Variants in KIR2DL1 observed in about 807,000 individuals in gnomAD.
KIR2DL1 encodes killer cell immunoglobulin like receptor, two Ig domains and long cytoplasmic tail 1, also known as killer cell immunoglobulin-like receptor 2DL1.
A neutral mutation model predicts 33.9 loss-of-function variants in KIR2DL1; 38 were observed. That is an observed-to-expected ratio of 1.12 (90% CI 0.86 to 1.47). The LOEUF (loss-of-function observed/expected upper bound fraction) is 1.47. Ranked by LOEUF, KIR2DL1 falls within the 40% of genes most tolerant of loss-of-function variation. The probability of loss-of-function intolerance (pLI) is 0.00; values close to 1 mark genes in which losing one functional copy is unlikely to be tolerated. For synonymous variants in KIR2DL1, 179 were observed against 165.9 expected (o/e 1.08, Z -0.61); for missense variants, 531 against 433.9 (o/e 1.22, Z -1.99).
Position 54,775,451 on chromosome 19 carries a change from T to C in KIR2DL1, c.657T>C (p.Ser219=), listed in dbSNP as rs748006166. 36 of 1,583,740 alleles carry C rather than the reference T, an allele frequency of 2.3e-5. 3 individuals carry two copies. Among genetic ancestry groups the C allele is most frequent in the Non-Finnish European group, 2.8e-5 (32 of 1,156,076 alleles). The part of the protein sequence containing the change: ...WSKSSDPLLV[S]VTGNPSNSWP... The stretch of plus-strand genomic sequence containing the variant: ...AGTCAAGTGACCCACTGCTTGTTTC[T>C]GTCACAGGTGAGGAAAGCCCATGGC... Residue 219 remains serine, a synonymous_variant, in exon 4 of 8, where the codon TCT becomes TCC. Coordinates refer to ENST00000336077, the MANE Select transcript of KIR2DL1 (RefSeq NM_014218.3).
At position 54,783,560 on chromosome 19, in the gene KIR2DL1, C is replaced by T. The variant is rs113555807; in HGVS notation, c.870+22C>T. 3,718 of 1,613,402 alleles carry T rather than the reference C, an allele frequency of 2.3e-3. 9 individuals carry two copies. In the African/African-American group the frequency reaches 0.043, roughly 19 times the overall value. On this transcript the variant is annotated intron_variant, in intron 7 of 7. Transcript: ENST00000336077. ...CGAGGTAGGTACTCCTCGGCCCGGGCTCGTGGCTACTGTTATTCCCAAAGA... is the reference window on the plus strand; with the variant it reads ...CGAGGTAGGTACTCCTCGGCCCGGGTTCGTGGCTACTGTTATTCCCAAAGA...
Position 54,783,553 on chromosome 19 carries a change from G to C in KIR2DL1, c.870+15G>C. ...CGAATAGCGAGGTAGGTACTCCTCG[G>C]CCCGGGCTCGTGGCTACTGTTATTC... On this transcript the variant is annotated intron_variant, in intron 7 of 7. Transcript: ENST00000336077. The C allele has an allele frequency of 6.2e-7, 1 of 1,613,874 alleles. No individual in the cohort carries two copies. The highest frequency in any genetic ancestry group is 2.2e-5 in the East Asian group (1 of 44,884).
intron 5 of KIR2DL1, among the ~76,000 whole-genome samples, chr19:54,781,371 A>T (rs2076916405): frequency 6.7e-6 from 1 of 150,288 alleles, no homozygotes. Flanking sequence ...AAAATGTGAA[A>T]GCCCGCTGAA....
intron 5 of KIR2DL1, among the ~76,000 whole-genome samples, chr19:54,780,679 T>C (rs1395454691): frequency 7.0e-6 from 1 of 142,776 alleles, no homozygotes; most frequent in Non-Finnish European, 1.6e-5. Flanking sequence ...AGACACTAAA[T>C]GAATGAAGTA....
chr19:54,781,646 G>T (rs1179812583), intron 5 of KIR2DL1, among the ~76,000 whole-genome samples: 6 of 151,788 alleles, frequency 4.0e-5, no homozygotes, highest in African/African-American at 1.5e-4. Context: ...CCGAGGGGGT[G>T]GTCCTTCCCC....
At chr19:54,781,989 A>C (rs1190698215) in intron 5 of KIR2DL1, among the ~76,000 whole-genome samples, 1 of 152,098 alleles carries the variant, frequency 6.6e-6, no homozygotes, top group Non-Finnish European at 1.5e-5. Context: ...GACAGAACAC[A>C]CAGAGAATAC....
rs111380462 is a variant in KIR2DL1 at position 54,771,171 on chromosome 19, C to T, written c.70+287C>T. On this transcript the variant is annotated intron_variant, in intron 2 of 7. Transcript: ENST00000336077. ...CAAAGGTGTTACTCACACACTTCAGCGTTTCCATGACGGTAGGGGCTGCAG... is the reference window on the plus strand; with the variant it reads ...CAAAGGTGTTACTCACACACTTCAGTGTTTCCATGACGGTAGGGGCTGCAG... Among the ~76,000 whole-genome samples, 1,388 of 148,458 alleles carry T rather than the reference C, an allele frequency of 9.3e-3. 2 individuals are homozygous for T. The highest frequency in any genetic ancestry group is 0.032 in the African/African-American group (1,306 of 40,708).
At chr19:54,776,448 G>A (rs1743313) in intron 4 of KIR2DL1, among the ~76,000 whole-genome samples, 13,089 of 105,666 alleles carry the variant, frequency 0.12, 41 homozygotes, top group South Asian at 0.22. Flanking sequence ...AGTCTCCACT[G>A]TGCGTATGTA....
At chr19:54,778,207 C>A (rs78941174) in intron 4 of KIR2DL1, among the ~76,000 whole-genome samples, 2 of 132,174 alleles carry the variant, frequency 1.5e-5, no homozygotes, top group African/African-American at 5.5e-5. Context: ...TGCAGTGAAC[C>A]GAGATTGCAC....
At chr19:54,775,115 G>A (rs1325772094) in intron 3 of KIR2DL1, 50 bp from the exon 4 acceptor site, 3 of 1,526,580 alleles carry the variant, frequency 2.0e-6, no homozygotes, top group East Asian at 2.2e-5. Context: ...GGTGAAGGGA[G>A]CTGTGACAAA....
At chr19:54,774,507 AG>A (rs1457037728) in intron 3 of KIR2DL1, among the ~76,000 whole-genome samples, 2 of 148,452 alleles carry the variant, frequency 1.3e-5, no homozygotes, top group Non-Finnish European at 3.0e-5. Flanking sequence ...GACAGATGAT[AG>A]ATGGATAGAT....
intron 3 of KIR2DL1, among the ~76,000 whole-genome samples, chr19:54,774,797 C>A (rs1189710901): frequency 6.8e-6 from 1 of 147,546 alleles, no homozygotes; most frequent in East Asian, 1.9e-4. Flanking sequence ...TAGATAGGCA[C>A]CGAATAGATA....
intron 1 of KIR2DL1, 21 bp from the exon 2 acceptor site, chr19:54,770,828 C>G: frequency 6.3e-7 from 1 of 1,583,832 alleles, no homozygotes; most frequent in Non-Finnish European, 8.7e-7. Context: ...ATGGGTCATC[C>G]ATCATGATCT....
intron 5 of KIR2DL1, among the ~76,000 whole-genome samples, 163 bp downstream of exon 5, chr19:54,778,825 A>C (rs536693128): frequency 3.4e-5 from 5 of 148,412 alleles, no homozygotes; most frequent in East Asian, 1.9e-4. Flanking sequence ...TGGGCCCAAC[A>C]CAGGGCTCAG....
chr19:54,781,875 C>A (rs1367092800), intron 5 of KIR2DL1, among the ~76,000 whole-genome samples: 10 of 152,002 alleles, frequency 6.6e-5, no homozygotes, highest in African/African-American at 2.4e-4. Context: ...AGCACATTCG[C>A]TGTGAATCAA....
chr19:54,777,098 A>G (rs2076440624), intron 4 of KIR2DL1, among the ~76,000 whole-genome samples: 2 of 151,020 alleles, frequency 1.3e-5, no homozygotes, highest in South Asian at 4.2e-4. Flanking sequence ...ATTTTATTTC[A>G]TTTTATTTTG....
chr19:54,778,348 AT>A (rs1241730910), intron 4 of KIR2DL1, among the ~76,000 whole-genome samples: 1 of 149,338 alleles, frequency 6.7e-6, no homozygotes, highest in Non-Finnish European at 1.5e-5. Context: ...GCCTTTCTTT[AT>A]GCCAATGTCA....
intron 4 of KIR2DL1, among the ~76,000 whole-genome samples, chr19:54,775,980 CTCCTGGGTT>C (rs2076286476): frequency 6.8e-6 from 1 of 146,752 alleles, no homozygotes; most frequent in African/African-American, 2.5e-5. Flanking sequence ...CAACCTCCGC[CTCCTGGGTT>C]CAAGCGATTC....
Position 54,783,034 on chromosome 19 carries a change from C to G in KIR2DL1, c.817+11C>G, listed in dbSNP as rs778160810. The G allele has an allele frequency of 3.1e-6, 5 of 1,611,540 alleles. No individual in the cohort carries two copies. The East Asian group carries it at 1.1e-4, about 36-fold the overall frequency. ...GCTCCAACAAAAAAAGTAAGTCTCACGAAGCAGAGGCCAGAGAGCTCAGGG... is the reference window on the plus strand; with the variant it reads ...GCTCCAACAAAAAAAGTAAGTCTCAGGAAGCAGAGGCCAGAGAGCTCAGGG... On this transcript the variant is annotated intron_variant, in intron 6 of 7. Coordinates refer to ENST00000336077, the MANE Select transcript of KIR2DL1 (RefSeq NM_014218.3).
Sources: allele counts gnomAD v4.1 joint callset (sites outside exome capture counted in the v4.1 genomes callset), GRCh38; gene constraint gnomAD v4.1.1; transcripts MANE v1.5; gene names NCBI Gene and HGNC (gene_info 2026-07-23, HGNC 2026-07-21).